Variants in TACC2 observed in about 807,000 individuals in gnomAD.
TACC2 encodes transforming acidic coiled-coil-containing protein 2.
Under a neutral mutation model 227.3 loss-of-function variants are expected in TACC2, and 137 were observed. The observed-to-expected ratio is 0.60, with a 90% CI of 0.52 to 0.69. The LOEUF is 0.69. Ranked by LOEUF, TACC2 falls within the 30% of genes least tolerant of loss-of-function variation. The pLI, the probability that TACC2 is intolerant of heterozygous loss-of-function variation, is 0.00. For synonymous variants in TACC2, 1,523 were observed against 1,487.5 expected, an observed-to-expected ratio of 1.02 and a Z score of -0.55; for missense variants, 3,470 against 3,694.4, an observed-to-expected ratio of 0.94 and a Z score of 1.57.
intron 7 of TACC2, among the ~76,000 whole-genome samples, chr10:122,149,741 G>C (rs1441407425): frequency 6.6e-6 from 1 of 152,248 alleles, no homozygotes; most frequent in African/African-American, 2.4e-5. Context: ...GAGCCTCTCT[G>C]CCTCACTAGG....
At chr10:122,040,376 A>G (rs2461199) in intron 2 of TACC2, among the ~76,000 whole-genome samples, 66,152 of 151,892 alleles carry the variant, frequency 0.44, 14,888 homozygotes, top group Admixed American at 0.53. Flanking sequence ...CAGCCCTTCC[A>G]GGGGTTTCAT....
intron 11 of TACC2, among the ~76,000 whole-genome samples, chr10:122,221,464 C>A (rs936563343): frequency 2.0e-5 from 3 of 152,164 alleles, no homozygotes; most frequent in African/African-American, 7.2e-5. Context: ...TCCTTTAACA[C>A]AGCTCTGTTA....
rs201283222 is a variant in TACC2 at position 122,085,874 on chromosome 10, G to A, written c.3374G>A (p.Gly1125Asp). 148 of 1,613,310 alleles carry A rather than the reference G, an allele frequency of 9.2e-5. 1 individual carries two copies. The East Asian group carries it at 2.3e-3, about 25-fold the overall frequency. ...ASFPSAGEQG[G>D]EAGAAETGGS... ...TTCCCATCAGCTGGGGAGCAAGGTG[G>A]TGAAGCCGGGGCTGCTGAGACTGGT... is the stretch of plus-strand genomic sequence containing the variant. Residue 1125 changes from glycine to aspartate, a missense_variant, in exon 4 of 23, where the codon GGT (glycine) becomes GAT (aspartate). By Grantham distance (94) the Gly-to-Asp change is moderately conservative (BLOSUM62 -1). Coordinates refer to ENST00000369005, the MANE Select transcript of TACC2 (RefSeq NM_206862.4).
intron 5 of TACC2, 23 bp downstream of exon 5, chr10:122,088,614 T>C (rs374402969): frequency 1.2e-6 from 2 of 1,604,878 alleles, no homozygotes; most frequent in African/African-American, 1.3e-5. Context: ...TATTGGTCTT[T>C]GGAAGGCCAT....
rs1247915718 is a variant in TACC2 at position 122,238,109 on chromosome 10, G to T, written c.8348+72G>T. The T allele has an allele frequency of 9.7e-6, 12 of 1,240,966 alleles. No individual in the cohort carries two copies. The Admixed American group carries it at 2.1e-4, about 22-fold the overall frequency. 76.9% of individuals were successfully genotyped at this position (1,240,966 alleles called of 1,614,324 possible). ...TGTGGTTTAATAATGACCGGAGCTG[G>T]TGTGGTCCACAGAAGAGTGTCTTCT... On this transcript the variant is annotated intron_variant, in intron 18 of 22. Transcript: ENST00000369005.
Position 122,142,968 on chromosome 10 carries a change from C to T in TACC2, c.5700-604C>T, listed in dbSNP as rs112961643. 2.0e-3 allele frequency among the ~76,000 whole-genome samples: 305 copies of T among 152,280 alleles called. 3 individuals carry two copies. Among genetic ancestry groups the T allele is most frequent in the African/African-American group, 5.9e-3 (244 of 41,552 alleles). Reference sequence around the variant, plus strand: ...GTCTCCAGTGCTACCCCCGGAGGCCCCGCACGCTGTGGTTCCCTGGCTGTC... The same window carrying T: ...GTCTCCAGTGCTACCCCCGGAGGCCTCGCACGCTGTGGTTCCCTGGCTGTC... On this transcript the variant is annotated intron_variant, in intron 6 of 22. Transcript: ENST00000369005.
At chr10:122,044,682 A>ATTT (rs35408701) in intron 2 of TACC2, among the ~76,000 whole-genome samples, 343 of 146,282 alleles carry the variant, frequency 2.3e-3, no homozygotes, top group African/African-American at 8.0e-3. Flanking sequence ...GGTAAGTGGA[A>ATTT]TTTTTTTTTT....
rs762441531 is a variant in TACC2 at position 122,210,440 on chromosome 10, C to A, written c.6015C>A (p.Ser2005Arg). The A allele has an allele frequency of 3.7e-6, 6 of 1,614,114 alleles. 1 individual carries two copies. The South Asian group carries it at 6.6e-5, about 18-fold the overall frequency. Residue 2005 changes from serine (S) to arginine (R), a missense_variant, in exon 9 of 23, where the codon AGC becomes AGA. By Grantham distance (110) the Ser-to-Arg change is moderately radical. Coordinates refer to ENST00000369005, the MANE Select transcript of TACC2 (RefSeq NM_206862.4). This position sits in a 1 kb window ranked among gnomAD's most constrained non-coding sequence, Gnocchi z 4.6. ...ETVPVPDGPR[S>R]DSVEGSPFRP... ...TCCCTGTCCCTGATGGCCCACGGAG[C>A]GACTCGGTGGAAGGAAGTCCCTTCC...
Position 122,230,270 on chromosome 10 carries a change from C to T in TACC2, c.8038-81C>T, listed in dbSNP as rs954634023. On this transcript the variant is annotated intron_variant, in intron 15 of 22. Transcript: ENST00000369005. ...CCTGTCATGACACATTTTCGTGGCA[C>T]GTTCATTTCTCGGATGTGGAAACCA... 4.4e-5 allele frequency: 53 copies of T among 1,216,230 alleles called. 1 individual carries two copies. The highest frequency in any genetic ancestry group is 3.7e-4 in the Admixed American group (22 of 58,916). The allele number at this position is 1,216,230 out of a possible 1,614,324, so 75.3% of individuals were successfully genotyped here. A position where few individuals can be genotyped will look rare whatever the true frequency, so the allele number is the denominator to read the frequency against.
chr10:122,021,319 G>A (rs1243617322), intron 1 of TACC2, among the ~76,000 whole-genome samples: 1 of 152,056 alleles, frequency 6.6e-6, no homozygotes. Flanking sequence ...CTGGCAGTAT[G>A]CTGCCTTACA....
Position 122,214,771 on chromosome 10 carries a change from G to C in TACC2, c.7284-620G>C, listed in dbSNP as rs180740009. Among the ~76,000 whole-genome samples the C allele has an allele frequency of 2.1e-3, 313 of 152,200 alleles. 2 individuals are homozygous for C. Among genetic ancestry groups the C allele is most frequent in the African/African-American group, 7.4e-3 (309 of 41,502 alleles). The stretch of plus-strand genomic sequence containing the variant: ...GAGAGAAGAGCTGTGAATCTTGTCT[G>C]TTTACCATGGTTAGGAGAAGACAAA... On this transcript the variant is annotated intron_variant, in intron 9 of 22. Transcript: ENST00000369005.
In TACC2 at chr10:122,183,505, C is replaced by A. The variant is rs532181312; in HGVS notation, c.5835-11535C>A. Among the ~76,000 whole-genome samples the A allele has an allele frequency of 3.3e-5, 5 of 152,242 alleles. No individual in the cohort carries two copies. In the East Asian group the frequency reaches 7.7e-4, roughly 24 times the overall value. On this transcript the variant is annotated intron_variant, in intron 7 of 22. Coordinates refer to ENST00000369005, the MANE Select transcript of TACC2 (RefSeq NM_206862.4). ...CCCTGCGGGTTCCAAGAATCTCAGGCCTTTGCAGCTGGGATGGCATGGCAT... is the reference window on the plus strand; with the variant it reads ...CCCTGCGGGTTCCAAGAATCTCAGGACTTTGCAGCTGGGATGGCATGGCAT...
intron 5 of TACC2, among the ~76,000 whole-genome samples, chr10:122,098,182 T>C (rs764877512): frequency 5.3e-5 from 8 of 152,134 alleles, no homozygotes; most frequent in Non-Finnish European, 1.2e-4. Flanking sequence ...GATCAGGAAG[T>C]TGGACATCAT....
intron 7 of TACC2, among the ~76,000 whole-genome samples, chr10:122,171,876 T>C (rs2093489336): frequency 6.6e-6 from 1 of 152,236 alleles, no homozygotes; most frequent in African/African-American, 2.4e-5. Flanking sequence ...TTATTAGCCT[T>C]GTGTCTTTGC....
At position 122,087,090 on chromosome 10, in the gene TACC2, G is replaced by T; in HGVS notation, c.4590G>T (p.Arg1530Ser). 1 of 1,611,618 alleles carries T rather than the reference G, an allele frequency of 6.2e-7. No homozygotes were observed. Among genetic ancestry groups the T allele is most frequent in the South Asian group, 1.1e-5 (1 of 90,852 alleles). The change falls in exon 4 of 23, where the codon AGG becomes AGT. Residue 1530 changes from arginine (R) to serine (S), a missense_variant. By Grantham distance (110) the Arg-to-Ser change is moderately radical. Transcript: ENST00000369005. Reference protein sequence around the residue: ...GVPPTLREDERPEGPGAAWPG... With the variant: ...GVPPTLREDESPEGPGAAWPG... ...CACCCACACTGAGGGAAGACGAGAG[G>T]CCAGAGGGGCCTGGGGCAGCCTGGC...
chr10:122,096,440 T>C (rs2081412447), intron 5 of TACC2, among the ~76,000 whole-genome samples: 2 of 152,158 alleles, frequency 1.3e-5, no homozygotes, highest in Admixed American at 6.5e-5. Context: ...CTCACGCCTA[T>C]AATCCCAGCA....
intron 2 of TACC2, among the ~76,000 whole-genome samples, chr10:122,044,335 T>C (rs1224651409): frequency 6.6e-6 from 1 of 152,192 alleles, no homozygotes; most frequent in South Asian, 2.1e-4. Context: ...GAAGAAACAT[T>C]TGGGATGGTC....
chr10:122,073,516 T>A (rs755006503), intron 3 of TACC2, among the ~76,000 whole-genome samples: 1 of 152,200 alleles, frequency 6.6e-6, no homozygotes, highest in East Asian at 1.9e-4. Context: ...TGAAATGTCC[T>A]TACCAATTCT....
At chr10:122,052,681 T>TCA (rs2075824725) in intron 3 of TACC2, 1 of 26,976 alleles carries the variant, frequency 3.7e-5, no homozygotes, top group Non-Finnish European at 1.0e-4. Context: ...AGACTACGCC[T>TCA]CAAAAAAAAA....
Sources: allele counts gnomAD v4.1 joint callset (sites outside exome capture counted in the v4.1 genomes callset), GRCh38; gene constraint gnomAD v4.1.1; non-coding constraint Gnocchi (gnomAD v3.1); transcripts MANE v1.5; gene names NCBI Gene and HGNC (gene_info 2026-07-23, HGNC 2026-07-21).